The following RAF1 variants were observed in gnomAD, a reference collection of about 807,000 sequenced individuals.
RAF1 encodes RAF proto-oncogene serine/threonine-protein kinase.
RAF1 carries 27 observed loss-of-function variants against 81.1 expected under a neutral mutation model. The observed-to-expected ratio is 0.33, with a 90% CI of 0.25 to 0.46. The LOEUF (loss-of-function observed/expected upper bound fraction) is 0.46, where lower values mean the gene tolerates loss of function less well. RAF1 is among the 20% of genes least tolerant of loss of function. RAF1 has a pLI of 1.00. For synonymous variants in RAF1, 298 were observed against 294.0 expected (o/e 1.01, Z -0.14); for missense variants, 598 against 826.0 (o/e 0.72, Z 3.38).
chr3:12,591,925 A>ATT (rs34541887), intron 11 of RAF1, 133 bp from the exon 11 acceptor site: 7,500 of 639,384 alleles, frequency 0.012, no homozygotes, highest in Non-Finnish European at 0.015. Context: ...CAAATTTCCA[A>ATT]TTTTTTTTTT....
chr3:12,610,419 G>C (rs971047040), intron 3 of RAF1, among the ~76,000 whole-genome samples: 2 of 152,168 alleles, frequency 1.3e-5, no homozygotes, highest in Admixed American at 6.6e-5. Flanking sequence ...TCAATCTGCA[G>C]ACTGATCCTA....
intron 5 of RAF1, among the ~76,000 whole-genome samples, chr3:12,607,484 G>GA (rs1005843447): frequency 4.0e-5 from 6 of 151,768 alleles, no homozygotes; most frequent in Non-Finnish European, 8.8e-5. Context: ...CCCGTCTCTA[G>GA]AAAAAATACA....
intron 1 of RAF1, among the ~76,000 whole-genome samples, chr3:12,620,680 G>A (rs2059531619): frequency 6.6e-6 from 1 of 151,970 alleles, no homozygotes; most frequent in African/African-American, 2.4e-5. Flanking sequence ...CTCTCACTAT[G>A]TTGCCCAGGC....
At chr3:12,610,384 A>G (rs1000417061) in intron 3 of RAF1, among the ~76,000 whole-genome samples, 4 of 152,176 alleles carry the variant, frequency 2.6e-5, no homozygotes, top group African/African-American at 4.8e-5. Flanking sequence ...TTATGAAGAG[A>G]AGGAGGACAA....
intron 8 of RAF1, 53 bp from the exon 8 acceptor site, chr3:12,600,468 G>A: frequency 6.3e-7 from 1 of 1,595,720 alleles, no homozygotes; most frequent in South Asian, 1.1e-5. Context: ...GATTTTCTCT[G>A]GGGGAGGGAA....
chr3:12,631,300 C>T (rs918212131), intron 1 of RAF1, among the ~76,000 whole-genome samples: 3 of 152,104 alleles, frequency 2.0e-5, no homozygotes, highest in Non-Finnish European at 4.4e-5. Flanking sequence ...TGAGTTGTTA[C>T]TAAATGGTTC....
At chr3:12,644,764 C>T (rs753415388) in intron 1 of RAF1, among the ~76,000 whole-genome samples, 1 of 152,118 alleles carries the variant, frequency 6.6e-6, no homozygotes, top group Non-Finnish European at 1.5e-5. Context: ...CTTTGAAAAA[C>T]CTCATTTTTG....
At chr3:12,593,518 G>T (rs976834687) in intron 11 of RAF1, among the ~76,000 whole-genome samples, 2 of 152,138 alleles carry the variant, frequency 1.3e-5, no homozygotes, top group South Asian at 2.1e-4. Context: ...CCTCCAAAGT[G>T]GCTCTCATCC....
chr3:12,603,455 A>T, intron 8 of RAF1: 1 of 689,142 alleles, frequency 1.5e-6, no homozygotes, highest in Non-Finnish European at 2.7e-6. Context: ...CAAGAAAGCA[A>T]AGGCATGAAG....
In RAF1 at chr3:12,584,650, G is replaced by C. The variant is rs748925179; in HGVS notation, c.1871C>G (p.Ser624Cys). The change falls in exon 18 of 18, where the codon TCT (serine) becomes TGT (cysteine). Residue 624 changes from serine (S) to cysteine (C), a missense_variant. Around this residue, in one of 5 missense-constraint regions of RAF1, gnomAD observed 147 missense variants for 196.1 expected, o/e 0.75. Transcript: ENST00000442415. ...AGAGTGTTGGAGCAGCTCAATGGAA[G>C]ACAGGATCTGAAACAAAGCCCAAGA... is the stretch of plus-strand genomic sequence containing the variant. The C allele has an allele frequency of 1.9e-6, 3 of 1,614,132 alleles. No individual in the cohort carries two copies. The highest frequency in any genetic ancestry group is 2.5e-6 in the Non-Finnish European group (3 of 1,180,014).
intron 17 of RAF1, 78 bp downstream of exon 16, chr3:12,584,769 A>G (rs1433763544): frequency 1.2e-6 from 2 of 1,613,486 alleles, no homozygotes; most frequent in African/African-American, 1.3e-5. Flanking sequence ...AAAACAAAAC[A>G]AAACACTCCC....
intron 1 of RAF1, among the ~76,000 whole-genome samples, chr3:12,631,467 C>T (rs1428468036): frequency 1.3e-5 from 2 of 151,992 alleles, no homozygotes; most frequent in Non-Finnish European, 2.9e-5. Context: ...GGCGTGGTGG[C>T]GGGCGCCTGT....
intron 1 of RAF1, among the ~76,000 whole-genome samples, chr3:12,634,313 ATT>A (rs375472091): frequency 9.9e-5 from 14 of 140,956 alleles, no homozygotes; most frequent in Admixed American, 1.4e-4. Context: ...CGCCTGGCTA[ATT>A]TTTTTTTTTT....
intron 7 of RAF1, among the ~76,000 whole-genome samples, chr3:12,603,754 A>G (rs2058937616): frequency 6.6e-6 from 1 of 152,274 alleles, no homozygotes; most frequent in African/African-American, 2.4e-5. Context: ...CCACCCTTTT[A>G]TTTCTAAATA....
chr3:12,591,398 A>G (rs2058510861), intron 12 of RAF1, among the ~76,000 whole-genome samples: 1 of 152,184 alleles, frequency 6.6e-6, no homozygotes, highest in Admixed American at 6.5e-5. Flanking sequence ...TCTGGGAAAT[A>G]AAGGTAAAAA....
intron 1 of RAF1, among the ~76,000 whole-genome samples, chr3:12,645,434 A>G (rs1461429481): frequency 2.6e-5 from 4 of 152,216 alleles, no homozygotes; most frequent in Admixed American, 6.5e-5. Flanking sequence ...ATTTAAGAGA[A>G]GCAAAATTAA....
At chr3:12,626,083 T>C (rs753954591) in intron 1 of RAF1, among the ~76,000 whole-genome samples, 8 of 151,500 alleles carry the variant, frequency 5.3e-5, no homozygotes, top group South Asian at 2.1e-4. Context: ...CTGGCTAACA[T>C]AGTGAAACCC....
At chr3:12,612,751 G>A (rs2059255448) in intron 2 of RAF1, among the ~76,000 whole-genome samples, 1 of 151,834 alleles carries the variant, frequency 6.6e-6, no homozygotes, top group Admixed American at 6.6e-5. Context: ...AAAGTGGTTA[G>A]AAAGTGGTTA....
At chr3:12,603,933 A>G (rs1211068857) in intron 7 of RAF1, among the ~76,000 whole-genome samples, 1 of 152,238 alleles carries the variant, frequency 6.6e-6, no homozygotes, top group Non-Finnish European at 1.5e-5. Context: ...AGGAAGTTTT[A>G]GTTCTCCAGT....
Sources: allele counts gnomAD v4.1 joint callset (sites outside exome capture counted in the v4.1 genomes callset), GRCh38; gene constraint gnomAD v4.1.1; regional missense constraint gnomAD v4.1.1; transcripts MANE v1.5; gene names NCBI Gene and HGNC (gene_info 2026-07-23, HGNC 2026-07-21).